The following LAPTM4A variants were observed in gnomAD, a reference collection of about 807,000 sequenced individuals.
LAPTM4A encodes lysosomal protein transmembrane 4 alpha, also known as lysosomal-associated transmembrane protein 4A.
LAPTM4A carries 19 observed loss-of-function variants against 29.9 expected under a neutral mutation model. That is an observed-to-expected ratio of 0.64 (90% CI 0.44 to 0.93). The LOEUF is 0.93. Ranked by LOEUF, LAPTM4A falls within the 40% of genes least tolerant of loss-of-function variation. The pLI is 0.00. For synonymous variants in LAPTM4A, 105 were observed against 102.1 expected (o/e 1.03, Z -0.17); for missense variants, 293 against 288.5 (o/e 1.02, Z -0.11).
intron 4 of LAPTM4A, 144 bp from the exon 5 acceptor site, chr2:20,035,206 T>C: frequency 1.6e-6 from 1 of 639,078 alleles, no homozygotes. Context: ...TAATTCAAAG[T>C]GCTTTTAAAT....
Position 20,041,100 on chromosome 2 carries a change from T to C in LAPTM4A, c.112-89A>G, listed in dbSNP as rs928800232. 4 of 1,299,714 alleles carry C rather than the reference T, an allele frequency of 3.1e-6. No individual in the cohort carries two copies. In the African/African-American group the frequency reaches 4.4e-5, roughly 14 times the overall value. The allele number at this position is 1,299,714 out of a possible 1,614,324, so 80.5% of individuals were successfully genotyped here. Reference sequence around the variant, plus strand: ...TCTAGATGTCCTCTCATATTTAAGATTGTCTTACTTGAAGTAACAAAGATA... The same window carrying C: ...TCTAGATGTCCTCTCATATTTAAGACTGTCTTACTTGAAGTAACAAAGATA... On this transcript the variant is annotated intron_variant, in intron 1 of 6. Transcript: ENST00000175091.
At chr2:20,047,032 C>T (rs573144657) in intron 1 of LAPTM4A, among the ~76,000 whole-genome samples, 1 of 151,842 alleles carries the variant, frequency 6.6e-6, no homozygotes, top group South Asian at 2.1e-4. Context: ...TAAGTACATA[C>T]AAGAAGGATC....
rs763534823 is a variant in LAPTM4A, at chr2:20,040,940, G to A, written c.183C>T (p.Asn61=). 6.2e-6 allele frequency: 10 copies of A among 1,613,528 alleles called. No homozygotes were observed. In the Admixed American group the frequency reaches 1.2e-4, roughly 19 times the overall value. The change falls in exon 2 of 7, where the codon AAC becomes AAT. Residue 61 remains asparagine (N), a synonymous_variant. Coordinates refer to ENST00000175091, the MANE Select transcript of LAPTM4A (RefSeq NM_014713.5). The part of the protein sequence containing the change: ...VTHPNSMPAV[N]IQYEVIGNYY... ...AATTACCGATGACTTCATACTGAAT[G>A]TTGACAGCTGGCATGGAGTTTGGAT...
chr2:20,050,920 G>T (rs1399653273), intron 1 of LAPTM4A, among the ~76,000 whole-genome samples: 1 of 152,224 alleles, frequency 6.6e-6, no homozygotes, highest in East Asian at 1.9e-4. Context: ...CCGGGTTACC[G>T]CTGGATCTTT....
At chr2:20,042,659 A>G (rs1330195023) in intron 1 of LAPTM4A, among the ~76,000 whole-genome samples, 1 of 152,196 alleles carries the variant, frequency 6.6e-6, no homozygotes, top group African/African-American at 2.4e-5. Context: ...TCCCATTATA[A>G]TATCTGAATT....
At chr2:20,044,391 G>A (rs1188371106) in intron 1 of LAPTM4A, among the ~76,000 whole-genome samples, 3 of 152,196 alleles carry the variant, frequency 2.0e-5, no homozygotes, top group Non-Finnish European at 4.4e-5. Flanking sequence ...GTCAAGAAAA[G>A]CATGCAAACC....
At chr2:20,049,647 C>T (rs1452724267) in intron 1 of LAPTM4A, among the ~76,000 whole-genome samples, 1 of 152,174 alleles carries the variant, frequency 6.6e-6, no homozygotes, top group East Asian at 1.9e-4. Context: ...CAGCCAATTA[C>T]ATTCGGATGG....
At chr2:20,047,486 C>A (rs1191822) in intron 1 of LAPTM4A, among the ~76,000 whole-genome samples, 39,213 of 146,778 alleles carry the variant, frequency 0.27, 6,406 homozygotes, top group Middle Eastern at 0.46. Flanking sequence ...GTCAGGAGAT[C>A]GAGACCATCC....
Position 20,037,402 on chromosome 2 carries a change from G to A in LAPTM4A, c.346C>T (p.Arg116Ter), listed in dbSNP as rs781576309. The A allele has an allele frequency of 1.9e-5, 31 of 1,612,090 alleles. No homozygotes were observed. The highest frequency in any genetic ancestry group is 1.2e-4 in the South Asian group (11 of 90,782). ...VGWLIPFFCYRLFDFVLSCLV... is the reference protein window; with the variant it reads ...VGWLIPFFCY ...CAACTGAGGACGAAGTCAAAAAGTCGGTAACAGAAGAATGGAATCAGCCAA... is the reference window on the plus strand; with the variant it reads ...CAACTGAGGACGAAGTCAAAAAGTCAGTAACAGAAGAATGGAATCAGCCAA... Residue 116 changes from arginine to a stop codon, truncating the protein, a stop_gained, in exon 4 of 7, where the codon CGA becomes TGA. Transcript: ENST00000175091. LOFTEE classifies it high-confidence loss of function.
chr2:20,048,995 AT>A (rs1673997956), intron 1 of LAPTM4A, among the ~76,000 whole-genome samples: 2 of 152,352 alleles, frequency 1.3e-5, no homozygotes, highest in African/African-American at 4.8e-5. Flanking sequence ...CAAAACTATA[AT>A]AAACAAAACC....
Position 20,037,524 on chromosome 2 carries a change from T to C in LAPTM4A, c.309+14A>G. ...AAGGTCAAACTCTAAAAGATGAAAA[T>C]ACAGTATACTTACAGAAATTGCTCC... On this transcript the variant is annotated intron_variant, in intron 3 of 6. Coordinates refer to ENST00000175091, the MANE Select transcript of LAPTM4A (RefSeq NM_014713.5). The C allele has an allele frequency of 1.2e-6, 2 of 1,603,518 alleles. No homozygotes were observed. The highest frequency in any genetic ancestry group is 1.7e-6 in the Non-Finnish European group (2 of 1,174,628).
At position 20,040,878 on chromosome 2, in the gene LAPTM4A, A is replaced by G. The variant is rs777638264; in HGVS notation, c.232+13T>C. ...GCAGGGGAGATTTTTTTGTTTTTCT[A>G]TTAAACACATACCAGCCATTCTCTC... On this transcript the variant is annotated intron_variant, in intron 2 of 6. Coordinates refer to ENST00000175091, the MANE Select transcript of LAPTM4A (RefSeq NM_014713.5). 1.9e-5 allele frequency: 31 copies of G among 1,611,274 alleles called. No homozygotes were observed. Among genetic ancestry groups the G allele is most frequent in the Non-Finnish European group, 2.6e-5 (31 of 1,178,564 alleles).
chr2:20,049,664 T>C (rs1674009462), intron 1 of LAPTM4A, among the ~76,000 whole-genome samples: 1 of 152,204 alleles, frequency 6.6e-6, no homozygotes, highest in Non-Finnish European at 1.5e-5. Flanking sequence ...ATGGTTGAAA[T>C]AGAAATGGTG....
intron 1 of LAPTM4A, among the ~76,000 whole-genome samples, chr2:20,048,823 G>A (rs775040384): frequency 6.6e-6 from 1 of 152,188 alleles, no homozygotes; most frequent in Admixed American, 6.5e-5. Flanking sequence ...CAGCTTCTGA[G>A]AATAAAATGC....
chr2:20,047,392 A>AG (rs1422918195), intron 1 of LAPTM4A, among the ~76,000 whole-genome samples: 1 of 137,598 alleles, frequency 7.3e-6, no homozygotes, highest in African/African-American at 2.8e-5. Context: ...GTCTCAAAAA[A>AG]GAAAAAAAAA....
intron 1 of LAPTM4A, among the ~76,000 whole-genome samples, chr2:20,046,727 A>G (rs1281882504): frequency 2.1e-5 from 3 of 145,922 alleles, no homozygotes; most frequent in Non-Finnish European, 4.5e-5. Flanking sequence ...TATATATTAT[A>G]TATCTATATA....
chr2:20,051,544 G>C lies in LAPTM4A; in HGVS notation c.-24C>G. The C allele has an allele frequency of 2.0e-6, 3 of 1,478,784 alleles. No homozygotes were observed. The highest frequency in any genetic ancestry group is 9.3e-7 in the Non-Finnish European group (1 of 1,077,450). The allele number at this position is 1,478,784 out of a possible 1,614,324, so 91.6% of individuals were successfully genotyped here. On this transcript the variant is annotated 5_prime_UTR_variant, in exon 1 of 7. Transcript: ENST00000175091. ...ATCGTAACAGGCGGGCCTCCTTCTT[G>C]GCCGGGCCCCTGACAAACGTTCTCC...
rs1000579254 is a variant in LAPTM4A, at chr2:20,033,418, T to C, written c.628-139A>G. 4 of 694,088 alleles carry C rather than the reference T, an allele frequency of 5.8e-6. No individual in the cohort carries two copies. The African/African-American group carries it at 7.2e-5, about 12-fold the overall frequency. 43.0% of individuals were successfully genotyped at this position (694,088 alleles called of 1,614,324 possible). Reference sequence around the variant, plus strand: ...GAGCTGAAGAAACTGTTAGCTAAAATGTTCCCAAGTAGATGCCTCAATAAC... The same window carrying C: ...GAGCTGAAGAAACTGTTAGCTAAAACGTTCCCAAGTAGATGCCTCAATAAC... On this transcript the variant is annotated intron_variant, in intron 6 of 6. Coordinates refer to ENST00000175091, the MANE Select transcript of LAPTM4A (RefSeq NM_014713.5).
chr2:20,039,871 T>A (rs192005593), intron 2 of LAPTM4A, among the ~76,000 whole-genome samples: 141 of 152,056 alleles, frequency 9.3e-4, no homozygotes, highest in African/African-American at 3.2e-3. Context: ...CTGACCAACA[T>A]GGAGTAACTC....
Sources: gnomAD v4.1 joint callset for allele counts (sites outside exome capture counted in the v4.1 genomes callset) on GRCh38, gnomAD v4.1.1 for gene constraint, MANE v1.5 for transcripts, NCBI Gene and HGNC (gene_info 2026-07-23, HGNC 2026-07-21) for gene names.